The following NXPE4 variants were observed in gnomAD, a reference collection of about 807,000 sequenced individuals.
NXPE4 encodes neurexophilin and PC-esterase domain family member 4.
In NXPE4, 42 loss-of-function variants were observed where a neutral mutation model predicts 33.3. That is an observed-to-expected ratio of 1.26 (90% CI 0.98 to 1.63). The LOEUF is 1.63. Ranked by LOEUF, NXPE4 falls within the 40% of genes most tolerant of loss-of-function variation. The pLI is 0.00. For synonymous variants in NXPE4, 253 were observed against 234.9 expected (o/e 1.08, Z -0.71); for missense variants, 709 against 647.6 (o/e 1.09, Z -1.03).
the NXPE4 span, among the ~76,000 whole-genome samples, chr11:114,653,819 C>T: frequency 2.9e-4 from 44 of 152,140 alleles, no homozygotes; most frequent in South Asian, 6.4e-3. Flanking sequence ...TGAGCCACCG[C>T]GCCTGGCCTG....
At chr11:114,665,991 C>T in the NXPE4 span, among the ~76,000 whole-genome samples, 2 of 152,088 alleles carry the variant, frequency 1.3e-5, no homozygotes, top group South Asian at 4.1e-4. Flanking sequence ...GGAGTTGAAT[C>T]TACAGGTTTC....
the NXPE4 span, among the ~76,000 whole-genome samples, chr11:114,616,800 GATA>G: frequency 6.6e-6 from 1 of 151,820 alleles, no homozygotes; most frequent in East Asian, 1.9e-4. Context: ...TTACACAGTG[GATA>G]ATAAGTGTTG....
At chr11:114,632,867 T>C in the NXPE4 span, among the ~76,000 whole-genome samples, 3 of 55,448 alleles carry the variant, frequency 5.4e-5, no homozygotes, top group African/African-American at 2.3e-4. Context: ...ATATAATATA[T>C]AATTATATAA....
the NXPE4 span, among the ~76,000 whole-genome samples, chr11:114,632,909 A>G: frequency 1.2e-5 from 1 of 82,458 alleles, no homozygotes; most frequent in Non-Finnish European, 2.1e-5. Flanking sequence ...GTAATACAAT[A>G]TTATATTTTA....
chr11:114,623,249 G>A, the NXPE4 span, among the ~76,000 whole-genome samples: 127 of 150,422 alleles, frequency 8.4e-4, no homozygotes, highest in Admixed American at 2.9e-3. Context: ...ACTGTTTCCC[G>A]GTGGGTAATA....
At chr11:114,588,595 C>T (rs11215077) in intron 2 of NXPE4, among the ~76,000 whole-genome samples, 60,967 of 152,004 alleles carry the variant, frequency 0.4, 13,442 homozygotes, top group African/African-American at 0.58. Context: ...ATTCCCAATA[C>T]GAAGAGAGGC....
At chr11:114,639,047 TTGTC>T in the NXPE4 span, among the ~76,000 whole-genome samples, 1 of 152,046 alleles carries the variant, frequency 6.6e-6, no homozygotes, top group East Asian at 1.9e-4. Flanking sequence ...GTCTTTTTGT[TTGTC>T]TGTGCCCTGC....
At chr11:114,590,238 A>G (rs550753937) in intron 2 of NXPE4, among the ~76,000 whole-genome samples, 4 of 152,134 alleles carry the variant, frequency 2.6e-5, no homozygotes, top group Admixed American at 2.6e-4. Context: ...AGGCACTGAA[A>G]CTCTTTTTAA....
the NXPE4 span, among the ~76,000 whole-genome samples, chr11:114,622,635 G>C: frequency 6.6e-6 from 1 of 151,740 alleles, no homozygotes. Flanking sequence ...TGGATAATAA[G>C]TGTTGCCTCG....
the NXPE4 span, among the ~76,000 whole-genome samples, chr11:114,653,073 T>G: frequency 1.3e-5 from 2 of 152,226 alleles, no homozygotes; most frequent in Admixed American, 6.5e-5. Flanking sequence ...TTGTGCCTTT[T>G]TACTCATTGA....
chr11:114,594,966 A>C (rs1370045392), intron 1 of NXPE4, among the ~76,000 whole-genome samples, 197 bp from the exon 2 acceptor site: 2 of 152,094 alleles, frequency 1.3e-5, no homozygotes, highest in African/African-American at 4.8e-5. Context: ...ATCTGCTTGT[A>C]CATTCTACAG....
At chr11:114,656,807 A>G in the NXPE4 span, among the ~76,000 whole-genome samples, 2 of 152,144 alleles carry the variant, frequency 1.3e-5, no homozygotes, top group Admixed American at 6.6e-5. Context: ...TAGTAGTAGT[A>G]GTGTTTAAAA....
chr11:114,604,338 G>A, the NXPE4 span, among the ~76,000 whole-genome samples: 232 of 151,972 alleles, frequency 1.5e-3, no homozygotes, highest in African/African-American at 5.2e-3. Context: ...GTTGCTTCGT[G>A]GGTAACCACT....
At chr11:114,598,814 G>A (rs936883375), upstream of NXPE4, among the ~76,000 whole-genome samples, 2 of 151,422 alleles carry the variant, frequency 1.3e-5, no homozygotes, top group Non-Finnish European at 2.9e-5. Flanking sequence ...CTTCCACAAA[G>A]TTCTCTGAAA....
chr11:114,602,800 T>G, the NXPE4 span, among the ~76,000 whole-genome samples: 1 of 141,196 alleles, frequency 7.1e-6, no homozygotes, highest in African/African-American at 2.6e-5. Flanking sequence ...AATTATCTCA[T>G]ATAATTACAG....
chr11:114,617,986 T>A, the NXPE4 span, among the ~76,000 whole-genome samples: 2 of 152,048 alleles, frequency 1.3e-5, no homozygotes, highest in Non-Finnish European at 2.9e-5. Flanking sequence ...TAATAAGTGT[T>A]GCCTCGTGGG....
the NXPE4 span, among the ~76,000 whole-genome samples, chr11:114,663,594 T>TATC: frequency 1.1e-5 from 1 of 94,870 alleles, no homozygotes; most frequent in Admixed American, 1.2e-4. Context: ...ATCATCTATC[T>TATC]ATCTATCTAT....
the NXPE4 span, among the ~76,000 whole-genome samples, chr11:114,611,721 G>A: frequency 6.6e-6 from 1 of 151,308 alleles, no homozygotes; most frequent in Non-Finnish European, 1.5e-5. Context: ...ATTGCCTTGT[G>A]GGTCACCATT....
At chr11:114,624,379 C>T in the NXPE4 span, among the ~76,000 whole-genome samples, 5 of 151,852 alleles carry the variant, frequency 3.3e-5, no homozygotes, top group African/African-American at 7.3e-5. Flanking sequence ...CACTGTTTCC[C>T]GTTCAATGAT....
Sources: allele counts gnomAD v4.1 joint callset (sites outside exome capture counted in the v4.1 genomes callset), GRCh38; gene constraint gnomAD v4.1.1; transcripts MANE v1.5; gene names NCBI Gene and HGNC (gene_info 2026-07-23, HGNC 2026-07-21).